RPN2: variants seen among roughly 807,000 people sequenced by gnomAD.
RPN2 encodes ribophorin II.
RPN2 carries 29 observed loss-of-function variants against 71.4 expected under a neutral mutation model. The ratio of observed to expected loss-of-function variants is 0.41; its 90% CI spans 0.30 to 0.55. RPN2 has a LOEUF of 0.55. Ranked by LOEUF, RPN2 falls within the 20% of genes least tolerant of loss-of-function variation. The pLI is 0.35. For missense variants in RPN2, 726 were observed against 774.1 expected, an observed-to-expected ratio of 0.94 and a Z score of 0.74; for synonymous variants, 308 against 305.0, an observed-to-expected ratio of 1.01 and a Z score of -0.10.
chr20:37,215,344 C>T (rs960685633), intron 9 of RPN2, among the ~76,000 whole-genome samples: 2 of 152,164 alleles, frequency 1.3e-5, no homozygotes, highest in African/African-American at 2.4e-5. Flanking sequence ...TTCTGGAACT[C>T]GAATCTCTTC....
At chr20:37,238,744 A>G (rs761242165) in intron 16 of RPN2, 3 of 644,886 alleles carry the variant, frequency 4.7e-6, no homozygotes, top group South Asian at 4.1e-5. Context: ...GTACTTACTT[A>G]TTTATAGACA....
intron 1 of RPN2, among the ~76,000 whole-genome samples, chr20:37,182,773 G>A (rs75819353): frequency 0.011 from 1,680 of 152,236 alleles, 30 homozygotes; most frequent in African/African-American, 0.038. Flanking sequence ...ACTCATGTTA[G>A]CCTAGTGATT....
chr20:37,186,264 T>A (rs1272477047), intron 2 of RPN2, among the ~76,000 whole-genome samples: 1 of 152,194 alleles, frequency 6.6e-6, no homozygotes, highest in Non-Finnish European at 1.5e-5. Context: ...TTATAACAGT[T>A]CCTAAATTTG....
intron 13 of RPN2, among the ~76,000 whole-genome samples, chr20:37,231,414 G>A (rs2068242227): frequency 1.3e-5 from 2 of 152,038 alleles, no homozygotes; most frequent in Admixed American, 1.3e-4. Context: ...AATGCTTGTC[G>A]AGCCTTCTGG....
chr20:37,202,919 C>T (rs546943736), intron 4 of RPN2, among the ~76,000 whole-genome samples: 3 of 152,160 alleles, frequency 2.0e-5, no homozygotes, highest in Non-Finnish European at 4.4e-5. Flanking sequence ...AGAAACTGCT[C>T]GGTGGGTTTT....
chr20:37,189,138 T>G (rs1200441236), intron 2 of RPN2, among the ~76,000 whole-genome samples: 1 of 152,158 alleles, frequency 6.6e-6, no homozygotes, highest in Non-Finnish European at 1.5e-5. Flanking sequence ...TTTTGCCATG[T>G]TGGCCAGGCT....
intron 2 of RPN2, among the ~76,000 whole-genome samples, chr20:37,186,241 C>T (rs984514954): frequency 2.0e-5 from 3 of 152,296 alleles, no homozygotes; most frequent in Middle Eastern, 3.4e-3. Context: ...TTAATTATAC[C>T]TGCAAAATCA....
intron 12 of RPN2, chr20:37,229,741 C>T (rs2068186818): frequency 3.4e-6 from 2 of 580,354 alleles, no homozygotes; most frequent in East Asian, 6.0e-5. Flanking sequence ...TATGGGGCTA[C>T]TATACCAGCA....
At chr20:37,236,751 A>C (rs777910101) in intron 16 of RPN2, 42 bp downstream of exon 16, 55 of 1,601,836 alleles carry the variant, frequency 3.4e-5, no homozygotes, top group Non-Finnish European at 4.6e-5. Flanking sequence ...TAGGGTTAGA[A>C]ATACTCAGCT....
intron 16 of RPN2, chr20:37,238,334 T>G: frequency 1.6e-6 from 2 of 1,265,112 alleles, no homozygotes; most frequent in Non-Finnish European, 2.3e-6. Context: ...TGTTTGTCAT[T>G]TCTTTCCTCA....
chr20:37,221,866 C>CACAGTTCCTTCTGTGCTTTCATA (rs951584220), intron 9 of RPN2, among the ~76,000 whole-genome samples: 1 of 152,228 alleles, frequency 6.6e-6, no homozygotes, highest in African/African-American at 2.4e-5. Context: ...AGACTTGGGT[C>CACAGTTCCTTCTGTGCTTTCATA]ACAGTTCCTT....
At chr20:37,179,719 T>A (rs2146489656) in intron 1 of RPN2, 1 of 249,978 alleles carries the variant, frequency 4.0e-6, no homozygotes, top group East Asian at 8.1e-5. Context: ...GTCCCGGCGC[T>A]GCCCCTTACT....
chr20:37,194,831 A>G (rs2067221312), intron 2 of RPN2, among the ~76,000 whole-genome samples: 2 of 152,204 alleles, frequency 1.3e-5, no homozygotes, highest in Non-Finnish European at 2.9e-5. Flanking sequence ...TGGGCAGCAC[A>G]TCACAGTAAC....
chr20:37,198,576 T>C (rs1244507042), intron 3 of RPN2, 84 bp downstream of exon 3: 1 of 1,596,076 alleles, frequency 6.3e-7, no homozygotes, highest in African/African-American at 1.3e-5. Flanking sequence ...AAACATCCTT[T>C]TTTTAATTAT....
chr20:37,230,773 A>AT (rs2068221072), intron 13 of RPN2, among the ~76,000 whole-genome samples: 1 of 152,112 alleles, frequency 6.6e-6, no homozygotes, highest in African/African-American at 2.4e-5. Flanking sequence ...GAGTAGTAGG[A>AT]TTGTTTTCAA....
At chr20:37,213,251 G>A (rs2067718780) in intron 8 of RPN2, among the ~76,000 whole-genome samples, 1 of 152,126 alleles carries the variant, frequency 6.6e-6, no homozygotes, top group South Asian at 2.1e-4. Context: ...AGGAGTGGTG[G>A]GAGTAACAAA....
chr20:37,209,899 G>C, intron 7 of RPN2, 148 bp from the exon 8 acceptor site: 1 of 1,366,524 alleles, frequency 7.3e-7, no homozygotes. Context: ...TTAGGATTAG[G>C]CAGCAGGCCC....
intron 8 of RPN2, 90 bp downstream of exon 8, chr20:37,210,255 T>A: frequency 6.3e-7 from 1 of 1,597,968 alleles, no homozygotes; most frequent in South Asian, 1.1e-5. Flanking sequence ...TACATTCCAG[T>A]TAGGTAAATT....
At chr20:37,202,834 T>C (rs2067422757) in intron 4 of RPN2, among the ~76,000 whole-genome samples, 2 of 152,158 alleles carry the variant, frequency 1.3e-5, no homozygotes. Flanking sequence ...TTCTATGAAA[T>C]AGCAGAATAG....
Sources: gnomAD v4.1 joint callset for allele counts (sites outside exome capture counted in the v4.1 genomes callset) on GRCh38, gnomAD v4.1.1 for gene constraint, MANE v1.5 for transcripts, NCBI Gene and HGNC (gene_info 2026-07-23, HGNC 2026-07-21) for gene names.